The following AP1AR variants were observed in gnomAD, a reference collection of about 807,000 sequenced individuals.
AP1AR encodes the protein adaptor related protein complex 1 associated regulatory protein.
A neutral mutation model predicts 46.3 loss-of-function variants in AP1AR; 29 were observed. The ratio of observed to expected loss-of-function variants is 0.63; its 90% CI spans 0.47 to 0.85. The LOEUF is 0.85. Among genes scored for constraint, AP1AR ranks in the 40% least tolerant of loss-of-function variants. The probability of loss-of-function intolerance (pLI) is 0.00; values close to 1 mark genes in which losing one functional copy is unlikely to be tolerated. For missense variants in AP1AR, 357 were observed against 356.3 expected (o/e 1.00, Z -0.02); for synonymous variants, 122 against 122.9 (o/e 0.99, Z 0.05).
In AP1AR at chr4:112,237,327, C is replaced by G. The variant is rs571655193; in HGVS notation, c.83+5153C>G. On this transcript the variant is annotated intron_variant, in intron 1 of 9. Coordinates refer to ENST00000274000, the MANE Select transcript of AP1AR (RefSeq NM_018569.6). ...TTCGCCATGTTGGCCAGGCTGGTCT[C>G]GAACTCCTGACCTCGTGATCCCCCC... Among the ~76,000 whole-genome samples, 36 of 152,190 alleles carry G rather than the reference C, an allele frequency of 2.4e-4. No homozygotes were observed. In the East Asian group the frequency reaches 6.4e-3, roughly 27 times the overall value.
At chr4:112,252,786 C>A (rs1304697739) in intron 1 of AP1AR, among the ~76,000 whole-genome samples, 1 of 152,140 alleles carries the variant, frequency 6.6e-6, no homozygotes, top group African/African-American at 2.4e-5. Context: ...GACATATATA[C>A]TTTTAGATAC....
At chr4:112,267,312 A>G (rs1289057520) in intron 9 of AP1AR, among the ~76,000 whole-genome samples, 1 of 151,928 alleles carries the variant, frequency 6.6e-6, no homozygotes, top group Admixed American at 6.6e-5. Context: ...TAATTCTGTT[A>G]CCAATGTTGA....
At position 112,269,071 on chromosome 4, in the gene AP1AR, A is replaced by G. The variant is rs1726837298; in HGVS notation, c.*662A>G. The G allele has an allele frequency of 7.1e-6, 1 of 140,552 alleles. No homozygotes were observed. Among genetic ancestry groups the G allele is most frequent in the South Asian group, 2.2e-4 (1 of 4,644 alleles). The allele number at this position is 140,552 out of a possible 1,614,324, so 8.7% of individuals were successfully genotyped here. ...AGTTTGGACATTTCAAGTTGGTAAT[A>G]ATAAAAAATAATATTTAAGAAGATA... On this transcript the variant is annotated 3_prime_UTR_variant, in exon 10 of 10. Transcript: ENST00000274000.
At chr4:112,265,600 G>A in intron 7 of AP1AR, 134 bp from the exon 8 acceptor site, 1 of 595,910 alleles carries the variant, frequency 1.7e-6, no homozygotes, top group Non-Finnish European at 2.9e-6. Context: ...TTTTCATTAG[G>A]TTATTCTAAT....
intron 1 of AP1AR, among the ~76,000 whole-genome samples, chr4:112,249,059 G>A (rs1725840782): frequency 6.6e-6 from 1 of 152,250 alleles, no homozygotes; most frequent in Admixed American, 6.5e-5. Flanking sequence ...TTAGGAGGCT[G>A]AGGCAGACAG....
intron 2 of AP1AR, 25 bp from the exon 3 acceptor site, chr4:112,254,722 A>C (rs901913706): frequency 1.3e-6 from 2 of 1,481,820 alleles, no homozygotes; most frequent in Non-Finnish European, 1.8e-6. Context: ...TATTCCTCTT[A>C]ACGCTTACTT....
chr4:112,239,492 C>G (rs57706880), intron 1 of AP1AR, among the ~76,000 whole-genome samples: 3,978 of 152,288 alleles, frequency 0.026, 177 homozygotes, highest in East Asian at 0.16. Context: ...TCACACTATA[C>G]TCTCCTTAAA....
At position 112,269,312 on chromosome 4, in the gene AP1AR, C is replaced by G. The variant is rs1357774361; in HGVS notation, c.*903C>G. ...ACGGGTATTTCAAATAAAATCCTTT[C>G]TGGTATGAAAGGCTCCATTGATTTT... On this transcript the variant is annotated 3_prime_UTR_variant, in exon 10 of 10. Transcript: ENST00000274000. 1.3e-5 allele frequency: 2 copies of G among 152,188 alleles called. No homozygotes were observed. Among genetic ancestry groups the G allele is most frequent in the African/African-American group, 4.8e-5 (2 of 41,372 alleles). The allele number at this position is 152,188 out of a possible 1,614,324, so 9.4% of individuals were successfully genotyped here.
chr4:112,246,765 A>C (rs1185408923), intron 1 of AP1AR, among the ~76,000 whole-genome samples: 1 of 152,214 alleles, frequency 6.6e-6, no homozygotes, highest in Non-Finnish European at 1.5e-5. Context: ...TTAATTATAC[A>C]ATTCAAATAA....
chr4:112,233,114 A>C (rs1159683339), intron 1 of AP1AR, among the ~76,000 whole-genome samples: 1 of 152,222 alleles, frequency 6.6e-6, no homozygotes, highest in Admixed American at 6.5e-5. Flanking sequence ...CACTTTCTGA[A>C]ACAGATTGCT....
At chr4:112,232,570 T>A (rs1415068116) in intron 1 of AP1AR, among the ~76,000 whole-genome samples, 1 of 152,224 alleles carries the variant, frequency 6.6e-6, no homozygotes, top group Non-Finnish European at 1.5e-5. Flanking sequence ...TCTGACCCTC[T>A]CTTTAGCCCT....
In AP1AR at chr4:112,271,366, A is replaced by G. The variant is rs1264484518; in HGVS notation, c.*2957A>G. Among the ~76,000 whole-genome samples the G allele has an allele frequency of 6.6e-6, 1 of 152,220 alleles. No homozygotes were observed. The highest frequency in any genetic ancestry group is 1.5e-5 in the Non-Finnish European group (1 of 68,028). ...TCATTCAGGTGCAGATACCGACTATAAAAATGTTTAGCTATAGTTTAGAGT... is the reference window on the plus strand; with the variant it reads ...TCATTCAGGTGCAGATACCGACTATGAAAATGTTTAGCTATAGTTTAGAGT... On this transcript the variant is annotated 3_prime_UTR_variant, in exon 10 of 10. Transcript: ENST00000274000.
At position 112,271,606 on chromosome 4, in the gene AP1AR, G is replaced by A. The variant is rs1273102235; in HGVS notation, c.*3197G>A. Among the ~76,000 whole-genome samples the A allele has an allele frequency of 6.6e-6, 1 of 152,196 alleles. No individual in the cohort carries two copies. Among genetic ancestry groups the A allele is most frequent in the Non-Finnish European group, 1.5e-5 (1 of 68,042 alleles). ...CTATAGATGTCTGACAGCCAGCCTAGTAGCTGCAAGTGCCCTTAACTATAA... is the reference window on the plus strand; with the variant it reads ...CTATAGATGTCTGACAGCCAGCCTAATAGCTGCAAGTGCCCTTAACTATAA... On this transcript the variant is annotated 3_prime_UTR_variant, in exon 10 of 10. Transcript: ENST00000274000.
Position 112,231,934 on chromosome 4 carries a change from T to G in AP1AR, c.-158T>G. 1.9e-6 allele frequency: 1 copy of G among 530,200 alleles called. No individual in the cohort carries two copies. 32.8% of individuals were successfully genotyped at this position (530,200 alleles called of 1,614,324 possible). ...GCCTTTGTTCCCTAGCGCCTCGTCTTTCGTCGCCCCGTGCCCTCACGCCGC... is the reference window on the plus strand; with the variant it reads ...GCCTTTGTTCCCTAGCGCCTCGTCTGTCGTCGCCCCGTGCCCTCACGCCGC... On this transcript the variant is annotated 5_prime_UTR_variant, in exon 1 of 10. Coordinates refer to ENST00000274000, the MANE Select transcript of AP1AR (RefSeq NM_018569.6).
chr4:112,243,372 G>C (rs991581771), intron 1 of AP1AR, among the ~76,000 whole-genome samples: 4 of 152,136 alleles, frequency 2.6e-5, no homozygotes, highest in African/African-American at 9.7e-5. Context: ...ATCATCTCTT[G>C]TTTTCCAGTC....
chr4:112,254,410 G>A (rs1231475887), intron 2 of AP1AR, among the ~76,000 whole-genome samples: 1 of 152,158 alleles, frequency 6.6e-6, no homozygotes, highest in Non-Finnish European at 1.5e-5. Flanking sequence ...GTCAAGTGAA[G>A]TGGAATATTC....
At chr4:112,257,743 TTTTA>T (rs1349117351) in intron 3 of AP1AR, 25 bp from the exon 4 acceptor site, 19 of 359,144 alleles carry the variant, frequency 5.3e-5, no homozygotes, top group Non-Finnish European at 6.7e-5. Context: ...AATGAATTTG[TTTTA>T]ATTGTTTAAT....
intron 1 of AP1AR, among the ~76,000 whole-genome samples, chr4:112,235,598 T>A (rs1219293673): frequency 6.6e-6 from 1 of 152,166 alleles, no homozygotes; most frequent in Non-Finnish European, 1.5e-5. Flanking sequence ...CCCGCAATCC[T>A]GTGAGGCAAG....
chr4:112,250,724 T>G (rs972762944), intron 1 of AP1AR, among the ~76,000 whole-genome samples: 1 of 152,192 alleles, frequency 6.6e-6, no homozygotes, highest in Non-Finnish European at 1.5e-5. Flanking sequence ...GCTTTTATTG[T>G]GGTAGGAGTC....
Sources: gnomAD v4.1 joint callset for allele counts (sites outside exome capture counted in the v4.1 genomes callset) on GRCh38, gnomAD v4.1.1 for gene constraint, MANE v1.5 for transcripts, NCBI Gene and HGNC (gene_info 2026-07-23, HGNC 2026-07-21) for gene names.